MEIS2: variants seen among roughly 807,000 people sequenced by gnomAD.
MEIS2 encodes Meis homeobox 2, also known as homeobox protein Meis2.
In MEIS2, 9 loss-of-function variants were observed where a neutral mutation model predicts 58.6. The ratio of observed to expected loss-of-function variants is 0.15; its 90% CI spans 0.09 to 0.27. The LOEUF (loss-of-function observed/expected upper bound fraction) is 0.27. MEIS2 is among the 10% of genes least tolerant of loss of function. MEIS2 has a pLI of 1.00. For synonymous variants in MEIS2, 221 were observed against 228.4 expected, an observed-to-expected ratio of 0.97 and a Z score of 0.29; for missense variants, 427 against 635.0, an observed-to-expected ratio of 0.67 and a Z score of 3.52.
At chr15:36,934,384 T>A (rs1320966322) in intron 9 of MEIS2, among the ~76,000 whole-genome samples, 1 of 152,112 alleles carries the variant, frequency 6.6e-6, no homozygotes, top group Non-Finnish European at 1.5e-5. Flanking sequence ...GAAGCTTTTT[T>A]AAGTACTGTG....
At chr15:36,914,300 C>T (rs1003303680) in intron 9 of MEIS2, among the ~76,000 whole-genome samples, 1 of 152,222 alleles carries the variant, frequency 6.6e-6, no homozygotes, top group African/African-American at 2.4e-5. Context: ...CACATCTCTG[C>T]TGTAGGCAAA....
At chr15:37,012,129 A>C (rs2141638168) in intron 8 of MEIS2, among the ~76,000 whole-genome samples, 1 of 152,258 alleles carries the variant, frequency 6.6e-6, no homozygotes, top group South Asian at 2.1e-4. Context: ...CCTTCATTGC[A>C]CATCAGTGGC....
At chr15:36,973,340 C>T (rs1273700486) in intron 8 of MEIS2, among the ~76,000 whole-genome samples, 1 of 152,204 alleles carries the variant, frequency 6.6e-6, no homozygotes, top group Non-Finnish European at 1.5e-5. Flanking sequence ...GGCACAACAC[C>T]TATTGCCCCG....
At chr15:37,044,148 G>A (rs1027185525) in intron 7 of MEIS2, among the ~76,000 whole-genome samples, 2 of 152,150 alleles carry the variant, frequency 1.3e-5, no homozygotes, top group African/African-American at 4.8e-5. Context: ...AAAGAAATTA[G>A]ATGACTTGTC....
In MEIS2 at chr15:36,963,290, G is replaced by T. The variant is rs539314000; in HGVS notation, c.901-12890C>A. On this transcript the variant is annotated intron_variant, in intron 8 of 11. Transcript: ENST00000561208. ...AGCTACCAGGGAGGCTGAGGCAGGA[G>T]AATCGCTTGAACCTGGGACGCAGAG... Among the ~76,000 whole-genome samples, 15 of 151,770 alleles carry T rather than the reference G, an allele frequency of 9.9e-5. No homozygotes were observed. In the South Asian group the frequency reaches 2.7e-3, roughly 27 times the overall value.
intron 7 of MEIS2, among the ~76,000 whole-genome samples, chr15:37,069,342 GA>G (rs1890371319): frequency 6.6e-6 from 1 of 152,182 alleles, no homozygotes; most frequent in African/African-American, 2.4e-5. Flanking sequence ...AAAATAGGAA[GA>G]ACATTCTTTA....
At chr15:36,907,427 G>A (rs900913966) in intron 9 of MEIS2, among the ~76,000 whole-genome samples, 22 of 152,212 alleles carry the variant, frequency 1.4e-4, no homozygotes, top group African/African-American at 5.1e-4. Flanking sequence ...TGGAGGGAAG[G>A]TGCTGTGCAT....
At position 37,036,892 on chromosome 15, in the gene MEIS2, T is replaced by C; in HGVS notation, c.822A>G (p.Lys274=). The change falls in exon 8 of 12, where the codon AAA becomes AAG. Residue 274 remains lysine (K), a synonymous_variant. Coordinates refer to ENST00000561208, the MANE Select transcript of MEIS2 (RefSeq NM_170675.5). ...TGDDDDPDKD[K]KRQKKRGIFP... ...AAATGCCTCTTTTCTTCTGGCGTTT[T>C]TTGTCCTTATCCGGATCATCATCGT... The C allele has an allele frequency of 6.2e-6, 10 of 1,614,114 alleles. No individual in the cohort carries two copies. The highest frequency in any genetic ancestry group is 8.5e-6 in the Non-Finnish European group (10 of 1,180,008).
chr15:36,896,786 T>G, intron 9 of MEIS2, 100 bp from the exon 10 acceptor site: 1 of 935,350 alleles, frequency 1.1e-6, no homozygotes, highest in Non-Finnish European at 1.7e-6. Context: ...GTCAAATCTC[T>G]TCTGAAAATT....
At chr15:36,936,421 T>A (rs2058177468) in intron 9 of MEIS2, among the ~76,000 whole-genome samples, 1 of 152,052 alleles carries the variant, frequency 6.6e-6, no homozygotes, top group African/African-American at 2.4e-5. Flanking sequence ...GGTCTCGATC[T>A]CCTGAGGGAG....
intron 8 of MEIS2, among the ~76,000 whole-genome samples, chr15:36,972,616 T>C (rs2059607378): frequency 6.6e-6 from 1 of 152,184 alleles, no homozygotes; most frequent in Non-Finnish European, 1.5e-5. Context: ...ATATTTTTTG[T>C]CCTGTTTTCT....
At chr15:37,050,218 C>T (rs559850914) in intron 7 of MEIS2, among the ~76,000 whole-genome samples, 3 of 152,170 alleles carry the variant, frequency 2.0e-5, no homozygotes, top group African/African-American at 7.2e-5. Flanking sequence ...CATCCCACAT[C>T]CCATGCCTAC....
chr15:36,906,938 C>T (rs560836075), intron 9 of MEIS2, among the ~76,000 whole-genome samples: 1 of 152,212 alleles, frequency 6.6e-6, no homozygotes, highest in Admixed American at 6.5e-5. Flanking sequence ...GACCAATTCG[C>T]TTTTTCTTTA....
intron 9 of MEIS2, among the ~76,000 whole-genome samples, chr15:36,933,651 A>T (rs1001337574): frequency 6.6e-6 from 1 of 152,082 alleles, no homozygotes; most frequent in African/African-American, 2.4e-5. Context: ...TTTTTAACTT[A>T]TTCAGAAGGG....
intron 8 of MEIS2, among the ~76,000 whole-genome samples, chr15:36,975,401 T>C (rs1332241961): frequency 6.6e-6 from 1 of 152,146 alleles, no homozygotes; most frequent in Admixed American, 6.5e-5. Flanking sequence ...TTCAGTTTTC[T>C]TTAAATTTAT....
At chr15:36,911,153 C>CAT (rs912067136) in intron 9 of MEIS2, among the ~76,000 whole-genome samples, 2 of 150,944 alleles carry the variant, frequency 1.3e-5, no homozygotes, top group African/African-American at 2.4e-5. Flanking sequence ...TTACTTTTCT[C>CAT]ATATTTTTCC....
chr15:37,009,397 T>G (rs2061050287), intron 8 of MEIS2, among the ~76,000 whole-genome samples: 1 of 152,230 alleles, frequency 6.6e-6, no homozygotes, highest in Non-Finnish European at 1.5e-5. Context: ...GTTTGTTTTG[T>G]TTTGGGTTGG....
At chr15:37,078,957 C>T (rs931154928) in intron 7 of MEIS2, among the ~76,000 whole-genome samples, 10 of 151,926 alleles carry the variant, frequency 6.6e-5, no homozygotes, top group Admixed American at 6.6e-5. Flanking sequence ...ATTATAGAAA[C>T]CTTTTAAGCA....
intron 8 of MEIS2, among the ~76,000 whole-genome samples, chr15:36,958,634 T>C (rs576515946): frequency 1.6e-4 from 25 of 152,340 alleles, no homozygotes; most frequent in Middle Eastern, 3.4e-3. Flanking sequence ...ATTTTCCTAT[T>C]GACTGAGACT....
Sources: gnomAD v4.1 joint callset for allele counts (sites outside exome capture counted in the v4.1 genomes callset) on GRCh38, gnomAD v4.1.1 for gene constraint, MANE v1.5 for transcripts, NCBI Gene and HGNC (gene_info 2026-07-23, HGNC 2026-07-21) for gene names.